The following ANKRD13D variants were observed in gnomAD, a reference collection of about 807,000 sequenced individuals.
ANKRD13D encodes ankyrin repeat domain 13D, also known as ankyrin repeat domain-containing protein 13D.
A neutral mutation model predicts 68.8 loss-of-function variants in ANKRD13D; 24 were observed. That is an observed-to-expected ratio of 0.35 (90% CI 0.25 to 0.49). The LOEUF (loss-of-function observed/expected upper bound fraction) is 0.49, where lower values mean the gene tolerates loss of function less well. Among genes scored for constraint, ANKRD13D ranks in the 20% least tolerant of loss-of-function variants. ANKRD13D has a pLI of 0.99. For synonymous variants in ANKRD13D, 331 were observed against 336.1 expected (o/e 0.98, Z 0.16); for missense variants, 735 against 832.1 (o/e 0.88, Z 1.44).
intron 6 of ANKRD13D, chr11:67,298,486 T>C: frequency 6.3e-6 from 1 of 158,050 alleles, no homozygotes; most frequent in Non-Finnish European, 1.4e-5. Flanking sequence ...CCAGCTGTAG[T>C]GTTGTTCTTA....
chr11:67,289,652 G>T (rs1450765818), intron 1 of ANKRD13D, 102 bp downstream of exon 1: 22 of 1,083,470 alleles, frequency 2.0e-5, no homozygotes, highest in Admixed American at 4.2e-5. Flanking sequence ...GCTCAGCTCC[G>T]CAGCCACATC....
rs1860898682 is a variant in ANKRD13D, at chr11:67,299,669, G to A, written c.880+58G>A. On this transcript the variant is annotated intron_variant, in intron 8 of 14. Transcript: ENST00000511455. The surrounding 1 kb of genome is among the most constrained non-coding windows in gnomAD (Gnocchi z 6.2). ...CACACCGTGTGGTGGGGTCACCCTGGCCTGGGATTAGGGGCCAGAGTTTCC... is the reference window on the plus strand; with the variant it reads ...CACACCGTGTGGTGGGGTCACCCTGACCTGGGATTAGGGGCCAGAGTTTCC... 3 of 1,543,088 alleles carry A rather than the reference G, an allele frequency of 1.9e-6. No individual in the cohort carries two copies. The Admixed American group carries it at 5.9e-5, about 30-fold the overall frequency.
Position 67,302,159 on chromosome 11 carries a change from GGCCCAGGA to G in ANKRD13D, c.1646_1653del (p.Gly549ValfsTer15). 1 of 1,596,390 alleles carries G rather than the reference GGCCCAGGA, an allele frequency of 6.3e-7. No individual in the cohort carries two copies. Among genetic ancestry groups the G allele is most frequent in the South Asian group, 1.1e-5 (1 of 88,326 alleles). On this transcript the variant is annotated frameshift_variant, in exon 15 of 15. Coordinates refer to ENST00000511455, the MANE Select transcript of ANKRD13D (RefSeq NM_207354.3). LOFTEE classifies it low-confidence loss of function (END_TRUNC). Reference sequence around the variant, plus strand: ...CCTGCAGCTGTCCACAGAGCCCAGGGGCCCAGGATCCCCTCCCAGGACACCCCCAGCCC... The same window carrying G: ...CCTGCAGCTGTCCACAGAGCCCAGGGTCCCCTCCCAGGACACCCCCAGCCC...
chr11:67,299,770 G>A lies in ANKRD13D; in HGVS notation c.881-57G>A. ...GACAGTAGGCTCCAGGGGTGGAGGT[G>A]GGCAGGGGCGATGCGAGCATTGTGA... On this transcript the variant is annotated intron_variant, in intron 8 of 14. Transcript: ENST00000511455. This position sits in a 1 kb window ranked among gnomAD's most constrained non-coding sequence, Gnocchi z 6.2. 1.3e-6 allele frequency: 2 copies of A among 1,533,478 alleles called. No homozygotes were observed. The highest frequency in any genetic ancestry group is 1.3e-5 in the South Asian group (1 of 78,994). The allele number at this position is 1,533,478 out of a possible 1,614,324, so 95.0% of individuals were successfully genotyped here.
At chr11:67,297,527 T>G (rs1590871015) in intron 6 of ANKRD13D, among the ~76,000 whole-genome samples, 1 of 10,796 alleles carries the variant, frequency 9.3e-5, no homozygotes, top group South Asian at 0.045. Context: ...AGTTTTTTGG[T>G]TTTTTTTTTT....
Position 67,301,086 on chromosome 11 carries a change from C to CT in ANKRD13D, c.1173dup (p.Ala392CysfsTer20). On this transcript the variant is annotated frameshift_variant, in exon 11 of 15. Transcript: ENST00000511455. LOFTEE classifies it high-confidence loss of function. This position sits in a 1 kb window ranked among gnomAD's most constrained non-coding sequence, Gnocchi z 4.5. ...ACCTAATGGCCATCAGCAACGCTCACTTTGCCAAGCTGCGCGACTTCATCA... is the reference window on the plus strand; with the variant it reads ...ACCTAATGGCCATCAGCAACGCTCACTTTTGCCAAGCTGCGCGACTTCATCA... The CT allele has an allele frequency of 6.2e-7, 1 of 1,614,104 alleles. No individual in the cohort carries two copies. Among genetic ancestry groups the CT allele is most frequent in the Non-Finnish European group, 8.5e-7 (1 of 1,180,038 alleles).
At chr11:67,290,752 T>C (rs1590863411) in intron 3 of ANKRD13D, 2 of 325,410 alleles carry the variant, frequency 6.1e-6, no homozygotes, top group South Asian at 4.2e-5. Context: ...AACCCTGGAA[T>C]ACTTGCTACT....
chr11:67,300,204 G>A lies in ANKRD13D; in HGVS notation c.1073+81G>A. On this transcript the variant is annotated intron_variant, in intron 10 of 14. Coordinates refer to ENST00000511455, the MANE Select transcript of ANKRD13D (RefSeq NM_207354.3). The surrounding 1 kb of genome is among the most constrained non-coding windows in gnomAD (Gnocchi z 4.3). The stretch of plus-strand genomic sequence containing the variant: ...CCTCTCTGGGCCTGTCATAGTTAGG[G>A]ACCCACTCCCTCGGCTGGCTTCTCT... The A allele has an allele frequency of 6.3e-7, 1 of 1,577,664 alleles. No individual in the cohort carries two copies. Among genetic ancestry groups the A allele is most frequent in the South Asian group, 1.2e-5 (1 of 86,786 alleles).
At chr11:67,289,573 G>T (rs1033695616) in intron 1 of ANKRD13D, 23 bp downstream of exon 1, 4 of 1,508,592 alleles carry the variant, frequency 2.7e-6, no homozygotes, top group Non-Finnish European at 3.5e-6. Context: ...TGGGGCACCC[G>T]GCCCTTCCCC....
In ANKRD13D at chr11:67,299,913, G is replaced by A; in HGVS notation, c.942+25G>A. The A allele has an allele frequency of 3.2e-6, 5 of 1,559,266 alleles. No individual in the cohort carries two copies. Among genetic ancestry groups the A allele is most frequent in the Non-Finnish European group, 4.3e-6 (5 of 1,150,382 alleles). On this transcript the variant is annotated intron_variant, in intron 9 of 14. Transcript: ENST00000511455. The surrounding 1 kb of genome is among the most constrained non-coding windows in gnomAD (Gnocchi z 6.2). Reference sequence around the variant, plus strand: ...GGTGAGCCGGGGCTGGGCCGAGACAGGGCTGGCGGGGGGCCGAGCCTGGGC... The same window carrying A: ...GGTGAGCCGGGGCTGGGCCGAGACAAGGCTGGCGGGGGGCCGAGCCTGGGC...
chr11:67,298,981 A>C (rs1372978690), intron 6 of ANKRD13D, 77 bp from the exon 7 acceptor site: 2 of 1,517,210 alleles, frequency 1.3e-6, no homozygotes, highest in Non-Finnish European at 1.8e-6. Context: ...GGCTGGCTGG[A>C]GGGGGCTTTG....
chr11:67,291,644 G>A lies in ANKRD13D; in HGVS notation c.439G>A (p.Val147Met), dbSNP rs1860554212. 11 of 1,614,110 alleles carry A rather than the reference G, an allele frequency of 6.8e-6. No homozygotes were observed. The highest frequency in any genetic ancestry group is 8.5e-6 in the Non-Finnish European group (10 of 1,180,042). ...GATGTGCCCAAGCGATGTGTACCGC[G>A]TGTGGAAGCGGGGTGAGAGCCTGCG... ...SKMCPSDVYR[V>M]WKRGESLRVD... Residue 147 changes from valine to methionine, a missense_variant, in exon 5 of 15, where the codon GTG becomes ATG. Transcript: ENST00000511455.
At chr11:67,289,686 TCCCAAGCCCAGGTCACCGG>T in intron 1 of ANKRD13D, 136 bp downstream of exon 1, 1 of 1,215,996 alleles carries the variant, frequency 8.2e-7, no homozygotes, top group Middle Eastern at 2.1e-4. Flanking sequence ...CCCTGCACGA[TCCCAAGCCCAGGTCACCGG>T]CCCCTCGCGC....
In ANKRD13D at chr11:67,302,176, C is replaced by T; in HGVS notation, c.1662C>T (p.Pro554=). The T allele has an allele frequency of 6.3e-7, 1 of 1,597,090 alleles. No homozygotes were observed. Among genetic ancestry groups the T allele is most frequent in the Non-Finnish European group, 8.5e-7 (1 of 1,172,764 alleles). The change falls in exon 15 of 15, where the codon CCC becomes CCT. Residue 554 remains proline, a synonymous_variant. Coordinates refer to ENST00000511455, the MANE Select transcript of ANKRD13D (RefSeq NM_207354.3). ...STEPRGPGSP[P]RTPPAPGPPS... ...AGCCCAGGGGCCCAGGATCCCCTCC[C>T]AGGACACCCCCAGCCCCCGGTCCAC...
chr11:67,297,475 G>A (rs928595538), intron 6 of ANKRD13D, among the ~76,000 whole-genome samples: 2 of 151,402 alleles, frequency 1.3e-5, no homozygotes, highest in Non-Finnish European at 2.9e-5. Context: ...GATTACAGGC[G>A]TGAGCCACCG....
intron 1 of ANKRD13D, 132 bp downstream of exon 1, chr11:67,289,682 A>C: frequency 8.3e-7 from 1 of 1,201,352 alleles, no homozygotes; most frequent in Non-Finnish European, 1.1e-6. Context: ...CCTCCCCTGC[A>C]CGATCCCAAG....
In ANKRD13D at chr11:67,301,390, C is replaced by CTT; in HGVS notation, c.1340_1341insTT (p.Ala448SerfsTer59). On this transcript the variant is annotated frameshift_variant, in exon 12 of 15. Coordinates refer to ENST00000511455, the MANE Select transcript of ANKRD13D (RefSeq NM_207354.3). LOFTEE classifies it high-confidence loss of function. This position sits in a 1 kb window ranked among gnomAD's most constrained non-coding sequence, Gnocchi z 4.5. ...GTGCCGGCCCCCAGCTCTGCTGTTG[C>CTT]CGCATCAGGTACCCCAACGGGAGGA... 6.2e-7 allele frequency: 1 copy of CTT among 1,611,068 alleles called. No individual in the cohort carries two copies.
intron 6 of ANKRD13D, among the ~76,000 whole-genome samples, chr11:67,293,817 C>G (rs1475690450): frequency 1.3e-5 from 2 of 152,154 alleles, no homozygotes; most frequent in African/African-American, 4.8e-5. Context: ...CACACCTATC[C>G]CTTCACCCAT....
In ANKRD13D at chr11:67,300,436, G is replaced by A; in HGVS notation, c.1073+313G>A. On this transcript the variant is annotated intron_variant, in intron 10 of 14. Transcript: ENST00000511455. The surrounding 1 kb of genome is among the most constrained non-coding windows in gnomAD (Gnocchi z 4.3). ...GGGCCCCCAGCGACGTGGCCTGGGA[G>A]TGGAGCGTCTGCCTTGGTGGAACAG... is the stretch of plus-strand genomic sequence containing the variant. 2.5e-6 allele frequency: 1 copy of A among 393,398 alleles called. No homozygotes were observed. The highest frequency in any genetic ancestry group is 3.3e-5 in the South Asian group (1 of 30,356). 24.4% of individuals were successfully genotyped at this position (393,398 alleles called of 1,614,324 possible). A position where few individuals can be genotyped will look rare whatever the true frequency, so the allele number is the denominator to read the frequency against.
Sources: allele counts gnomAD v4.1 joint callset (sites outside exome capture counted in the v4.1 genomes callset), GRCh38; gene constraint gnomAD v4.1.1; non-coding constraint Gnocchi (gnomAD v3.1); transcripts MANE v1.5; gene names NCBI Gene and HGNC (gene_info 2026-07-23, HGNC 2026-07-21).